SON: variants seen among roughly 807,000 people sequenced by gnomAD.
SON encodes the protein SON DNA and RNA binding protein, also known as protein SON.
In SON, 4 loss-of-function variants were observed where a neutral mutation model predicts 173.3. The ratio of observed to expected loss-of-function variants is 0.02; its 90% confidence interval spans 0.01 to 0.05. The LOEUF (loss-of-function observed/expected upper bound fraction) is 0.05, where lower values mean the gene tolerates loss of function less well. Among genes scored for constraint, SON ranks in the 10% least tolerant of loss-of-function variants. The pLI is 1.00. For synonymous variants in SON, 1,190 were observed against 1,105.9 expected, an observed-to-expected ratio of 1.08 and a Z score of -1.51; for missense variants, 2,626 against 3,055.3, an observed-to-expected ratio of 0.86 and a Z score of 3.31.
Position 33,556,075 on chromosome 21 carries a change from T to C in SON, c.6160+684T>C, listed in dbSNP as rs962652601. ...GATATGAATGATTACCTATAATAAATATGGATAATTTATCCTTATCCCAGT... is the reference window on the plus strand; with the variant it reads ...GATATGAATGATTACCTATAATAAACATGGATAATTTATCCTTATCCCAGT... On this transcript the variant is annotated intron_variant, in intron 3 of 11. Transcript: ENST00000356577. 9.1e-4 allele frequency among the ~76,000 whole-genome samples: 139 copies of C among 152,216 alleles called. 1 individual carries two copies. The highest frequency in any genetic ancestry group is 3.2e-3 in the African/African-American group (131 of 41,466).
At position 33,555,445 on chromosome 21, in the gene SON, A is replaced by G. The variant is rs1014241141; in HGVS notation, c.6160+54A>G. 5 of 1,420,960 alleles carry G rather than the reference A, an allele frequency of 3.5e-6. No homozygotes were observed. The African/African-American group carries it at 4.4e-5, about 12-fold the overall frequency. 88.0% of individuals were successfully genotyped at this position (1,420,960 alleles called of 1,614,324 possible). A position where few individuals can be genotyped will look rare whatever the true frequency, so the allele number is the denominator to read the frequency against. ...GTAGTAGAAAATGTTTTAAACCTTAATTTTTTTCTGACCTTGAGTCAAGTG... is the reference window on the plus strand; with the variant it reads ...GTAGTAGAAAATGTTTTAAACCTTAGTTTTTTTCTGACCTTGAGTCAAGTG... On this transcript the variant is annotated intron_variant, in intron 3 of 11. Transcript: ENST00000356577.
Position 33,555,134 on chromosome 21 carries a change from G to A in SON, c.5903G>A (p.Ser1968Asn), listed in dbSNP as rs1014357219. Residue 1968 changes from serine (S) to asparagine (N), a missense_variant, in exon 3 of 12, where the codon AGC (serine) becomes AAC (asparagine). Physicochemically the swap from Ser to Asn is conservative, Grantham distance 46. Transcript: ENST00000356577. Reference protein sequence around the residue: ...RTPSRRSRTPSRRSRTPSRRS... With the variant: ...RTPSRRSRTPNRRSRTPSRRS... ...CCCAGCCGCCGCAGCCGCACCCCCA[G>A]CCGCCGCAGCCGCACCCCCAGCCGC... 1 of 1,468,294 alleles carries A rather than the reference G, an allele frequency of 6.8e-7. No individual in the cohort carries two copies. The allele number at this position is 1,468,294 out of a possible 1,614,324, so 91.0% of individuals were successfully genotyped here.
chr21:33,572,587 G>A, intron 8 of SON: 2 of 1,304,192 alleles, frequency 1.5e-6, no homozygotes, highest in Non-Finnish European at 2.0e-6. Context: ...GCCCCGGTCA[G>A]TGCCAGCCGT....
Position 33,554,210 on chromosome 21 carries a change from C to T in SON, c.4979C>T (p.Pro1660Leu), listed in dbSNP as rs1053850201. 1 of 1,614,082 alleles carries T rather than the reference C, an allele frequency of 6.2e-7. No individual in the cohort carries two copies. Among genetic ancestry groups the T allele is most frequent in the Non-Finnish European group, 8.5e-7 (1 of 1,179,972 alleles). ...GSEADIEGPL[P>L]AKDIHLDLPS... ...GAAGCTGACATTGAAGGGCCTTTGC[C>T]TGCTAAAGATATTCATCTTGATTTA... The change falls in exon 3 of 12, where the codon CCT becomes CTT. Residue 1660 changes from proline to leucine, a missense_variant. Physicochemically the swap from Pro to Leu is moderately conservative, Grantham distance 98 (BLOSUM62 -3). Coordinates refer to ENST00000356577, the MANE Select transcript of SON (RefSeq NM_138927.4).
intron 7 of SON, among the ~76,000 whole-genome samples, chr21:33,567,714 A>G (rs1405347007): frequency 6.6e-6 from 1 of 151,986 alleles, no homozygotes; most frequent in East Asian, 1.9e-4. Flanking sequence ...GGAGTTCAAG[A>G]CCAGCCTGGC....
rs779186339 is a variant in SON, at chr21:33,553,632, A to G, written c.4401A>G (p.Ile1467Met). ...QTQVIPTEVA[I>M]ESTPMILESS... ...AAGTAATACCAACTGAGGTGGCTAT[A>G]GAGTCCACACCAATGATACTGGAAT... Residue 1467 changes from isoleucine (I) to methionine (M), a missense_variant, in exon 3 of 12, where the codon ATA (isoleucine) becomes ATG (methionine). By Grantham distance (10) the Ile-to-Met change is conservative. Coordinates refer to ENST00000356577, the MANE Select transcript of SON (RefSeq NM_138927.4). The G allele has an allele frequency of 9.9e-6, 16 of 1,613,876 alleles. No homozygotes were observed. The South Asian group carries it at 1.6e-4, about 17-fold the overall frequency.
chr21:33,575,980 A>G (rs1375691338), intron 11 of SON, 87 bp downstream of exon 11: 11 of 665,294 alleles, frequency 1.7e-5, no homozygotes, highest in African/African-American at 5.5e-5. Flanking sequence ...CAGGATTAAG[A>G]TTCTGTTCAT....
At position 33,543,113 on chromosome 21, in the gene SON, G is replaced by T. The variant is rs777782074; in HGVS notation, c.21G>T (p.Gln7His). 1.2e-6 allele frequency: 2 copies of T among 1,614,160 alleles called. No individual in the cohort carries two copies. Among genetic ancestry groups the T allele is most frequent in the Non-Finnish European group, 1.7e-6 (2 of 1,180,044 alleles). Residue 7 changes from glutamine to histidine, a missense_variant, in exon 1 of 12, where the codon CAG becomes CAT. This residue lies in a region of SON where 757 missense variants were observed against 730.1 expected (regional missense o/e 1.04). Transcript: ENST00000356577. MATNIE[Q>H]IFRSFVVSKF... Reference sequence around the variant, plus strand: ...ACGCCATGGCGACCAACATCGAGCAGATTTTTAGGTCTTTCGTGGTCAGTA... The same window carrying T: ...ACGCCATGGCGACCAACATCGAGCATATTTTTAGGTCTTTCGTGGTCAGTA...
Position 33,553,934 on chromosome 21 carries a change from C to A in SON, c.4703C>A (p.Pro1568His), listed in dbSNP as rs777560492. 2 of 1,614,002 alleles carry A rather than the reference C, an allele frequency of 1.2e-6. No individual in the cohort carries two copies. Among genetic ancestry groups the A allele is most frequent in the Non-Finnish European group, 1.7e-6 (2 of 1,180,002 alleles). The change falls in exon 3 of 12, where the codon CCC becomes CAC. Residue 1568 changes from proline to histidine, a missense_variant. Physicochemically the swap from Pro to His is moderately conservative, Grantham distance 77. Transcript: ENST00000356577. ...GAAATTGGTGAAGAGAAAATTTTGC[C>A]CACCAGTGAGACTAAACAGCGCACA... ...VGEIGEEKIL[P>H]TSETKQRTVL... is the part of the protein sequence containing the mutation.
At chr21:33,560,420 A>C in intron 6 of SON, 1 of 1,094,652 alleles carries the variant, frequency 9.1e-7, no homozygotes, top group Non-Finnish European at 1.1e-6. Flanking sequence ...CTACTATTAA[A>C]AGTCGGAGAA....
At chr21:33,546,162 A>G (rs1334302852) in intron 1 of SON, 51 bp from the exon 2 acceptor site, 1 of 1,470,956 alleles carries the variant, frequency 6.8e-7, no homozygotes, top group East Asian at 2.4e-5. Flanking sequence ...GGATTTTTTT[A>G]TTAATGGTAT....
At chr21:33,563,631 A>G (rs1385342001) in intron 6 of SON, among the ~76,000 whole-genome samples, 1 of 152,208 alleles carries the variant, frequency 6.6e-6, no homozygotes, top group Non-Finnish European at 1.5e-5. Context: ...TTTCACTGAT[A>G]TTCTAAGAAG....
intron 6 of SON, among the ~76,000 whole-genome samples, chr21:33,566,419 GT>G (rs540945466): frequency 6.2e-4 from 95 of 152,026 alleles, no homozygotes; most frequent in Non-Finnish European, 1.3e-3. Flanking sequence ...GAAAAAAAAA[GT>G]TTCTTCCACT....
Position 33,559,992 on chromosome 21 carries a change from A to C in SON, c.6657+217A>C. The stretch of plus-strand genomic sequence containing the variant: ...GGAACCAAGCCACAAAGTGAAAAGC[A>C]TCGAATTGCAGAGAACAGTGTTATC... On this transcript the variant is annotated intron_variant, in intron 6 of 11. Transcript: ENST00000356577. The surrounding 1 kb of genome is among the most constrained non-coding windows in gnomAD (Gnocchi z 4.1). 6.2e-7 allele frequency: 1 copy of C among 1,614,224 alleles called. No homozygotes were observed. The highest frequency in any genetic ancestry group is 1.1e-5 in the South Asian group (1 of 91,086).
In SON at chr21:33,543,181, C is replaced by T. The variant is rs1224495031; in HGVS notation, c.77+12C>T. ...CAGGAGCTTTCCAGGTAAACGCCTC[C>T]CAGATTCTTCTGCTCCCAACGGACC... On this transcript the variant is annotated intron_variant, in intron 1 of 11. Transcript: ENST00000356577. 3.1e-6 allele frequency: 5 copies of T among 1,608,694 alleles called. No individual in the cohort carries two copies. Among genetic ancestry groups the T allele is most frequent in the East Asian group, 2.2e-5 (1 of 44,872 alleles).
intron 8 of SON, chr21:33,572,392 T>C (rs560790325): frequency 4.4e-5 from 15 of 338,316 alleles, no homozygotes; most frequent in South Asian, 3.6e-4. Flanking sequence ...TAAAAATAAC[T>C]GTTGACCATG....
Position 33,550,161 on chromosome 21 carries a change from A to C in SON, c.930A>C (p.Ser310=). ...CTTCAGAAACCCTTGTGGTATCATC[A>C]GAGACACCTACTGAGGTGTACCCTG... ...LEPSETLVVS[S]ETPTEVYPEP... is the part of the protein sequence containing the mutation. The change falls in exon 3 of 12, where the codon TCA becomes TCC. Residue 310 remains serine, a synonymous_variant. Transcript: ENST00000356577. The C allele has an allele frequency of 6.2e-7, 1 of 1,614,224 alleles. No homozygotes were observed. Among genetic ancestry groups the C allele is most frequent in the African/African-American group, 1.3e-5 (1 of 75,072 alleles).
At chr21:33,569,576 T>A in intron 8 of SON, 1 of 460,268 alleles carries the variant, frequency 2.2e-6, no homozygotes, top group Non-Finnish European at 4.5e-6. Context: ...GCTTCATTAG[T>A]GCCTGTGCCT....
In SON at chr21:33,543,175, C is replaced by T. The variant is rs201422694; in HGVS notation, c.77+6C>T. 8.7e-6 allele frequency: 14 copies of T among 1,612,062 alleles called. No homozygotes were observed. The East Asian group carries it at 2.0e-4, about 23-fold the overall frequency. ...ATTCAACAGGAGCTTTCCAGGTAAA[C>T]GCCTCCCAGATTCTTCTGCTCCCAA... On this transcript the variant is annotated splice_donor_region_variant and intron_variant, in intron 1 of 11. Coordinates refer to ENST00000356577, the MANE Select transcript of SON (RefSeq NM_138927.4).
Sources: allele counts gnomAD v4.1 joint callset (sites outside exome capture counted in the v4.1 genomes callset), GRCh38; gene constraint gnomAD v4.1.1; regional missense constraint gnomAD v4.1.1; non-coding constraint Gnocchi (gnomAD v3.1); transcripts MANE v1.5; gene names NCBI Gene and HGNC (gene_info 2026-07-23, HGNC 2026-07-21).